Variants in MYO3B observed in about 807,000 individuals in gnomAD.
The protein encoded by MYO3B is myosin IIIB, also known as myosin-IIIb.
MYO3B carries 156 observed loss-of-function variants against 174.6 expected under a neutral mutation model. The observed-to-expected ratio is 0.89, with a 90% confidence interval of 0.78 to 1.02. The LOEUF is 1.02. Among genes scored for constraint, MYO3B ranks in the 50% least tolerant of loss-of-function variants. The pLI is 0.00. For synonymous variants in MYO3B, 563 were observed against 569.1 expected (o/e 0.99, Z 0.15); for missense variants, 1,632 against 1,639.4 (o/e 1.00, Z 0.08).
chr2:170,322,143 A>C (rs1053805750), intron 7 of MYO3B, among the ~76,000 whole-genome samples: 1 of 149,122 alleles, frequency 6.7e-6, no homozygotes, highest in Admixed American at 6.7e-5. Context: ...GAGTAGCAGC[A>C]CTATAATATA....
At chr2:170,212,586 G>A (rs1345710022) in intron 3 of MYO3B, among the ~76,000 whole-genome samples, 1 of 152,028 alleles carries the variant, frequency 6.6e-6, no homozygotes, top group African/African-American at 2.4e-5. Context: ...GGAAAGATTA[G>A]ATTGGTAGAC....
chr2:170,259,799 A>G (rs1304858471), intron 7 of MYO3B, among the ~76,000 whole-genome samples: 1 of 152,220 alleles, frequency 6.6e-6, no homozygotes, highest in Non-Finnish European at 1.5e-5. Flanking sequence ...ATGGGAGAAT[A>G]TATTCACCAA....
intron 32 of MYO3B, among the ~76,000 whole-genome samples, chr2:170,626,330 A>ATCTT (rs1377903623): frequency 1.3e-5 from 2 of 151,832 alleles, no homozygotes; most frequent in Non-Finnish European, 2.9e-5. Flanking sequence ...ATCTCTTTTG[A>ATCTT]TCTTTGTTGG....
intron 22 of MYO3B, among the ~76,000 whole-genome samples, chr2:170,432,625 G>A (rs2094719113): frequency 6.6e-6 from 1 of 150,420 alleles, no homozygotes; most frequent in African/African-American, 2.4e-5. Context: ...TGCCCAGGCT[G>A]GAGTGCAGTG....
At chr2:170,181,764 TA>T (rs1188796924) in intron 1 of MYO3B, among the ~76,000 whole-genome samples, 1 of 152,190 alleles carries the variant, frequency 6.6e-6, no homozygotes, top group East Asian at 1.9e-4. Context: ...ATATGTAAAG[TA>T]AATGCCTACC....
intron 25 of MYO3B, among the ~76,000 whole-genome samples, chr2:170,471,379 A>G (rs948225414): frequency 1.3e-5 from 2 of 152,046 alleles, no homozygotes; most frequent in Admixed American, 6.6e-5. Flanking sequence ...TGTCCTTTGA[A>G]GCACAAAATT....
At chr2:170,242,264 A>T (rs903662476) in intron 7 of MYO3B, among the ~76,000 whole-genome samples, 12 of 152,232 alleles carry the variant, frequency 7.9e-5, no homozygotes, top group African/African-American at 2.7e-4. Flanking sequence ...GCAAAAAAAA[A>T]GTTTTAAAAT....
At chr2:170,430,691 T>C (rs1208656445) in intron 22 of MYO3B, among the ~76,000 whole-genome samples, 1 of 152,164 alleles carries the variant, frequency 6.6e-6, no homozygotes, top group Non-Finnish European at 1.5e-5. Context: ...TTATACCATA[T>C]AAACATCTCA....
intron 32 of MYO3B, among the ~76,000 whole-genome samples, chr2:170,563,895 C>G: frequency 6.6e-6 from 1 of 152,136 alleles, no homozygotes; most frequent in Middle Eastern, 3.2e-3. Flanking sequence ...ACAGAAGAAG[C>G]TGGGAAGCAT....
intron 20 of MYO3B, 137 bp downstream of exon 20, chr2:170,404,537 C>A: frequency 1.3e-6 from 1 of 798,638 alleles, no homozygotes; most frequent in Non-Finnish European, 1.9e-6. Flanking sequence ...CCTTCTTTTT[C>A]ATTGAATTGA....
At chr2:170,266,148 T>C (rs899448133) in intron 7 of MYO3B, among the ~76,000 whole-genome samples, 6 of 151,956 alleles carry the variant, frequency 3.9e-5, no homozygotes, top group African/African-American at 1.5e-4. Context: ...TCAGTGTAGA[T>C]TGACATAATG....
chr2:170,593,234 A>T (rs373602328), intron 32 of MYO3B, among the ~76,000 whole-genome samples: 1 of 152,118 alleles, frequency 6.6e-6, no homozygotes, highest in East Asian at 1.9e-4. Context: ...AGTGACTGGG[A>T]CTACCTGAGC....
At chr2:170,485,252 C>A (rs1399352077) in intron 25 of MYO3B, among the ~76,000 whole-genome samples, 1 of 151,990 alleles carries the variant, frequency 6.6e-6, no homozygotes, top group African/African-American at 2.4e-5. Flanking sequence ...AATGTATGAA[C>A]ACCCTTTCCT....
chr2:170,223,205 A>T (rs1408537564), intron 6 of MYO3B, among the ~76,000 whole-genome samples: 1 of 152,102 alleles, frequency 6.6e-6, no homozygotes. Context: ...TTACCTGATT[A>T]AGCCTCTCTG....
At chr2:170,502,297 G>T (rs542685479) in intron 28 of MYO3B, among the ~76,000 whole-genome samples, 2 of 152,168 alleles carry the variant, frequency 1.3e-5, no homozygotes, top group Non-Finnish European at 2.9e-5. Context: ...AAATGAGAGC[G>T]CTGGTTAAAA....
chr2:170,506,560 G>T (rs1243180406), intron 28 of MYO3B, among the ~76,000 whole-genome samples: 1 of 152,042 alleles, frequency 6.6e-6, no homozygotes, highest in African/African-American at 2.4e-5. Context: ...ATTTAATTTG[G>T]GGCTTCAAAT....
At chr2:170,421,894 TTTTG>T (rs1415370947) in intron 22 of MYO3B, among the ~76,000 whole-genome samples, 1 of 152,226 alleles carries the variant, frequency 6.6e-6, no homozygotes, top group Non-Finnish European at 1.5e-5. Flanking sequence ...CTGTCTTGTT[TTTTG>T]TTTAAGTATA....
chr2:170,643,050 C>T (rs1698100441), intron 32 of MYO3B, among the ~76,000 whole-genome samples: 1 of 151,632 alleles, frequency 6.6e-6, no homozygotes, highest in African/African-American at 2.4e-5. Context: ...AAAAAAAATC[C>T]ATGTCCAGGC....
intron 8 of MYO3B, among the ~76,000 whole-genome samples, chr2:170,337,428 C>G (rs944941255): frequency 6.6e-6 from 1 of 152,178 alleles, no homozygotes; most frequent in African/African-American, 2.4e-5. Context: ...ACCAAACTCT[C>G]CTGATGCCTC....
Sources: gnomAD v4.1 joint callset for allele counts (sites outside exome capture counted in the v4.1 genomes callset) on GRCh38, gnomAD v4.1.1 for gene constraint, MANE v1.5 for transcripts, NCBI Gene and HGNC (gene_info 2026-07-23, HGNC 2026-07-21) for gene names.